The following NCKAP5 variants were observed in gnomAD, a reference collection of about 807,000 sequenced individuals.
The protein encoded by NCKAP5 is nck-associated protein 5.
A neutral mutation model predicts 167.0 loss-of-function variants in NCKAP5; 92 were observed. That is an observed-to-expected ratio of 0.55 (90% CI 0.47 to 0.66). The LOEUF (loss-of-function observed/expected upper bound fraction) is 0.66. Ranked by LOEUF, NCKAP5 falls within the 30% of genes least tolerant of loss-of-function variation. NCKAP5 has a pLI of 0.00. For synonymous variants in NCKAP5, 891 were observed against 877.4 expected (o/e 1.02, Z -0.27); for missense variants, 2,378 against 2,315.0 (o/e 1.03, Z -0.56).
chr2:132,757,941 C>A (rs1430127019), intron 16 of NCKAP5, among the ~76,000 whole-genome samples: 2 of 152,204 alleles, frequency 1.3e-5, no homozygotes, highest in African/African-American at 2.4e-5. Context: ...ACTCCCCCTG[C>A]ATTTGCACAT....
At chr2:132,967,882 G>A (rs1468322417) in intron 7 of NCKAP5, among the ~76,000 whole-genome samples, 1 of 152,202 alleles carries the variant, frequency 6.6e-6, no homozygotes, top group Admixed American at 6.5e-5. Context: ...TAGGGGCAAT[G>A]TTAGATGTGC....
intron 3 of NCKAP5, among the ~76,000 whole-genome samples, chr2:133,467,231 T>A (rs1171721062): frequency 6.6e-6 from 1 of 150,710 alleles, no homozygotes; most frequent in Non-Finnish European, 1.5e-5. Context: ...GGTTGTTGAA[T>A]TTTGTCAAAG....
At chr2:132,899,211 T>A (rs1693434349) in intron 8 of NCKAP5, among the ~76,000 whole-genome samples, 1 of 152,238 alleles carries the variant, frequency 6.6e-6, no homozygotes, top group Admixed American at 6.5e-5. Flanking sequence ...GACACCTTCT[T>A]TCCCTAAACC....
chr2:132,999,834 C>G (rs549242022), intron 6 of NCKAP5, among the ~76,000 whole-genome samples: 1 of 152,172 alleles, frequency 6.6e-6, no homozygotes, highest in South Asian at 2.1e-4. Flanking sequence ...TTTTTCACCC[C>G]TATATTCAGT....
chr2:132,963,938 A>G, intron 7 of NCKAP5, 69 bp from the exon 8 acceptor site: 1 of 1,562,736 alleles, frequency 6.4e-7, no homozygotes, highest in South Asian at 1.1e-5. Flanking sequence ...TGAGGCTGAA[A>G]AGGCTGGAAT....
chr2:133,594,971 C>T, the NCKAP5 span, among the ~76,000 whole-genome samples: 1 of 152,126 alleles, frequency 6.6e-6, no homozygotes, highest in African/African-American at 2.4e-5. Context: ...AGCCAAGGGT[C>T]TCATGGAAGA....
chr2:133,210,734 C>T (rs1282708660), intron 5 of NCKAP5, among the ~76,000 whole-genome samples: 1 of 151,850 alleles, frequency 6.6e-6, no homozygotes, highest in East Asian at 1.9e-4. Flanking sequence ...TGCAAAGGAA[C>T]AGGGAGAAAT....
chr2:133,279,882 T>C (rs1025339126), intron 4 of NCKAP5, among the ~76,000 whole-genome samples: 2 of 152,202 alleles, frequency 1.3e-5, no homozygotes, highest in Non-Finnish European at 2.9e-5. Flanking sequence ...CACACAACCA[T>C]CATTCATTAG....
At chr2:133,314,869 G>A (rs1161548895) in intron 3 of NCKAP5, among the ~76,000 whole-genome samples, 1 of 152,210 alleles carries the variant, frequency 6.6e-6, no homozygotes, top group Non-Finnish European at 1.5e-5. Context: ...ACACCTAAAG[G>A]AAGTGACGGA....
intron 3 of NCKAP5, among the ~76,000 whole-genome samples, chr2:133,449,721 A>T (rs1691426619): frequency 6.6e-6 from 1 of 152,112 alleles, no homozygotes; most frequent in Non-Finnish European, 1.5e-5. Context: ...TATCATCTTG[A>T]CTTTACCACC....
the NCKAP5 span, among the ~76,000 whole-genome samples, chr2:133,597,055 T>C: frequency 6.6e-6 from 1 of 152,236 alleles, no homozygotes; most frequent in Non-Finnish European, 1.5e-5. Context: ...AAATTGCAGC[T>C]TGAAATTTGC....
At chr2:133,355,442 A>C (rs1295169060) in intron 3 of NCKAP5, among the ~76,000 whole-genome samples, 1 of 152,244 alleles carries the variant, frequency 6.6e-6, no homozygotes, top group African/African-American at 2.4e-5. Context: ...AATATTACAT[A>C]CAACAAGAGA....
intron 2 of NCKAP5, among the ~76,000 whole-genome samples, chr2:133,556,471 T>TA (rs1437934863): frequency 6.6e-6 from 1 of 152,172 alleles, no homozygotes; most frequent in Non-Finnish European, 1.5e-5. Flanking sequence ...CACGTGGGAT[T>TA]AACTCCTTCT....
At chr2:132,861,803 C>T (rs1447544) in intron 10 of NCKAP5, among the ~76,000 whole-genome samples, 40,176 of 152,078 alleles carry the variant, frequency 0.26, 5,707 homozygotes, top group East Asian at 0.45. Flanking sequence ...TTCATTTTAT[C>T]GTTTGTGCTC....
At chr2:133,672,861 CCT>C in the NCKAP5 span, among the ~76,000 whole-genome samples, 3 of 152,180 alleles carry the variant, frequency 2.0e-5, no homozygotes, top group South Asian at 4.1e-4. Flanking sequence ...CTGAGGCCAT[CCT>C]TTACTCTTGA....
At chr2:132,992,790 C>A (rs2077484364) in intron 7 of NCKAP5, among the ~76,000 whole-genome samples, 1 of 152,152 alleles carries the variant, frequency 6.6e-6, no homozygotes, top group Admixed American at 6.5e-5. Flanking sequence ...AGAAATTGAT[C>A]TTAGTGATTT....
the NCKAP5 span, among the ~76,000 whole-genome samples, chr2:133,621,587 T>C: frequency 3.3e-5 from 5 of 151,934 alleles, no homozygotes; most frequent in African/African-American, 1.2e-4. Context: ...ATAAAGAATC[T>C]CTGAACAGAC....
At chr2:133,092,256 T>C (rs1271794574) in intron 6 of NCKAP5, among the ~76,000 whole-genome samples, 1 of 152,196 alleles carries the variant, frequency 6.6e-6, no homozygotes, top group Non-Finnish European at 1.5e-5. Context: ...TGAAATCCAA[T>C]GACTGGTGTC....
chr2:133,563,564 T>TAAAAAAAAAAAA (rs57901498), intron 1 of NCKAP5, among the ~76,000 whole-genome samples: 2 of 53,014 alleles, frequency 3.8e-5, no homozygotes, highest in African/African-American at 1.4e-4. Flanking sequence ...AAAGACTCCA[T>TAAAAAAAAAAAA]AAAAAAAAAA....
Sources: allele counts gnomAD v4.1 joint callset (sites outside exome capture counted in the v4.1 genomes callset), GRCh38; gene constraint gnomAD v4.1.1; transcripts MANE v1.5; gene names NCBI Gene and HGNC (gene_info 2026-07-23, HGNC 2026-07-21).